Variants in RP1L1 observed in about 807,000 individuals in gnomAD.
RP1L1 encodes the protein retinitis pigmentosa 1-like 1 protein.
In RP1L1, 27 loss-of-function variants were observed where a neutral mutation model predicts 15.7. The ratio of observed to expected loss-of-function variants is 1.72; its 90% CI spans 1.27 to 2.38. The LOEUF is 2.38. RP1L1 is among the 30% of genes most tolerant of loss of function. The pLI is 0.00. For missense variants in RP1L1, 4,798 were observed against 3,075.9 expected (o/e 1.56, Z -13.24); for synonymous variants, 1,813 against 1,276.7 (o/e 1.42, Z -8.96).
chr8:10,635,808 T>C (rs1798320285), intron 1 of RP1L1, among the ~76,000 whole-genome samples: 1 of 152,166 alleles, frequency 6.6e-6, no homozygotes, highest in Non-Finnish European at 1.5e-5. Context: ...AAGATAAATA[T>C]TAGTTACTTA....
chr8:10,609,383 G>T lies in RP1L1; in HGVS notation c.4715C>A (p.Thr1572Asn), dbSNP rs770732016. 10 of 1,612,476 alleles carry T rather than the reference G, an allele frequency of 6.2e-6. No individual in the cohort carries two copies. In the Admixed American group the frequency reaches 1.5e-4, roughly 24 times the overall value. ...QDVAQRLQDS[T>N]KRELQKLQGR... ...CTGGAGCTTCTGGAGCTCTCTCTTG[G>T]TGCTGTCCTGGAGGCGTTGGGCCAC... is the stretch of plus-strand genomic sequence containing the variant. The change falls in exon 4 of 4, where the codon ACC becomes AAC. Residue 1572 changes from threonine (T) to asparagine (N), a missense_variant. Thr to Asn is a moderately conservative substitution (Grantham distance 65, BLOSUM62 0). Transcript: ENST00000382483.
chr8:10,620,294 G>C (rs1341553916), intron 2 of RP1L1, among the ~76,000 whole-genome samples: 1 of 152,178 alleles, frequency 6.6e-6, no homozygotes, highest in Non-Finnish European at 1.5e-5. Flanking sequence ...ACCCAAGGGA[G>C]AATGTTCCCC....
intron 1 of RP1L1, among the ~76,000 whole-genome samples, chr8:10,632,473 G>C (rs1455609571): frequency 6.6e-6 from 1 of 152,212 alleles, no homozygotes; most frequent in Non-Finnish European, 1.5e-5. Context: ...TCCACCTAAA[G>C]TCTTGGGGAG....
At chr8:10,624,829 C>A (rs142027144) in intron 1 of RP1L1, among the ~76,000 whole-genome samples, 1 of 152,178 alleles carries the variant, frequency 6.6e-6, no homozygotes, top group Non-Finnish European at 1.5e-5. Flanking sequence ...CTCTCCTTGG[C>A]TGAGTGGGTT....
At chr8:10,619,231 C>G (rs1798020098) in intron 2 of RP1L1, among the ~76,000 whole-genome samples, 1 of 152,200 alleles carries the variant, frequency 6.6e-6, no homozygotes, top group Admixed American at 6.5e-5. Flanking sequence ...AGCTTGGGAT[C>G]TAAATGCGAA....
chr8:10,640,058 A>G (rs1798385165), intron 1 of RP1L1, among the ~76,000 whole-genome samples: 1 of 152,224 alleles, frequency 6.6e-6, no homozygotes, highest in Non-Finnish European at 1.5e-5. Flanking sequence ...AAACAAAACT[A>G]AAACATAAAG....
At chr8:10,626,434 G>A (rs184956186) in intron 1 of RP1L1, among the ~76,000 whole-genome samples, 72 of 152,274 alleles carry the variant, frequency 4.7e-4, no homozygotes, top group Admixed American at 1.6e-3. Flanking sequence ...AACACGTGGG[G>A]CATGCAGCCC....
At chr8:10,649,238 C>G (rs974747997) in intron 1 of RP1L1, among the ~76,000 whole-genome samples, 2 of 152,226 alleles carry the variant, frequency 1.3e-5, no homozygotes, top group Non-Finnish European at 2.9e-5. Context: ...CTTCTTCATT[C>G]TCCTCATCCA....
chr8:10,608,106 C>T lies in RP1L1; in HGVS notation c.5992G>A (p.Glu1998Lys), dbSNP rs1302361903. The change falls in exon 4 of 4, where the codon GAA becomes AAA. Residue 1998 changes from glutamate to lysine, a missense_variant. Glu to Lys is a moderately conservative substitution (Grantham distance 56). Transcript: ENST00000382483. ...TCAGCCTCTGGGGCCTCTACATCTT[C>T]TGACTCTGGCTGGGCCTCCCCTTCT... Reference protein sequence around the residue: ...EAEGEAQPESEDVEAPEAEGE... With the variant: ...EAEGEAQPESKDVEAPEAEGE... The T allele has an allele frequency of 1.9e-6, 3 of 1,613,652 alleles. No individual in the cohort carries two copies. Among genetic ancestry groups the T allele is most frequent in the Non-Finnish European group, 8.5e-7 (1 of 1,179,882 alleles).
Position 10,641,491 on chromosome 8 carries a change from C to T in RP1L1, c.-20+13407G>A, listed in dbSNP as rs546281002. On this transcript the variant is annotated intron_variant, in intron 1 of 3. Coordinates refer to ENST00000382483, the MANE Select transcript of RP1L1 (RefSeq NM_178857.6). ...GCACACACAAACATGAGAACAAAAACGAAATACACATTTTAAAAAGATGTG... is the reference window on the plus strand; with the variant it reads ...GCACACACAAACATGAGAACAAAAATGAAATACACATTTTAAAAAGATGTG... 3.5e-4 allele frequency among the ~76,000 whole-genome samples: 54 copies of T among 152,246 alleles called. 1 individual carries two copies. The Middle Eastern group carries it at 0.014, about 38-fold the overall frequency.
rs754100073 is a variant in RP1L1, at chr8:10,609,857, C to A, written c.4241G>T (p.Ser1414Ile). The A allele has an allele frequency of 6.2e-6, 10 of 1,614,178 alleles. No individual in the cohort carries two copies. In the South Asian group the frequency reaches 6.6e-5, roughly 11 times the overall value. The change falls in exon 4 of 4, where the codon AGC (serine) becomes ATC (isoleucine). Residue 1414 changes from serine (S) to isoleucine (I), a missense_variant. Ser to Ile is a moderately radical substitution (Grantham distance 142). Transcript: ENST00000382483. ...CTGGGAGCCTTTCCCATCCGGAGAG[C>A]TGGCCTCTGACAATTCCTGCCCGTG... ...SVHGQELSEA[S>I]SPDGKGSQED...
chr8:10,652,873 C>T (rs1162536658), intron 1 of RP1L1, among the ~76,000 whole-genome samples: 1 of 152,154 alleles, frequency 6.6e-6, no homozygotes, highest in African/African-American at 2.4e-5. Flanking sequence ...CTGAACAGAG[C>T]AGGTGCCTAG....
At chr8:10,622,082 G>A (rs564335411) in intron 2 of RP1L1, among the ~76,000 whole-genome samples, 1 of 152,114 alleles carries the variant, frequency 6.6e-6, no homozygotes, top group East Asian at 1.9e-4. Context: ...AGCACTTTGG[G>A]AGGCCGAATC....
intron 1 of RP1L1, among the ~76,000 whole-genome samples, chr8:10,642,004 C>G (rs1798414188): frequency 6.6e-6 from 1 of 151,826 alleles, no homozygotes; most frequent in South Asian, 2.1e-4. Flanking sequence ...GATGGACGTG[C>G]CCTGTCTCTT....
At chr8:10,647,166 C>A (rs577650220) in intron 1 of RP1L1, among the ~76,000 whole-genome samples, 1 of 152,162 alleles carries the variant, frequency 6.6e-6, no homozygotes, top group Admixed American at 6.5e-5. Flanking sequence ...GCTTCTAGCC[C>A]GTCCAGCCTG....
At chr8:10,623,298 A>G (rs1354774742) in intron 1 of RP1L1, 78 bp from the exon 2 acceptor site, 17 of 1,103,378 alleles carry the variant, frequency 1.5e-5, no homozygotes, top group Non-Finnish European at 2.2e-5. Context: ...GTCTTTCTAG[A>G]GGTGCTTCCT....
In RP1L1 at chr8:10,606,974, T is replaced by C. The variant is rs1797713553; in HGVS notation, c.7124A>G (p.Asp2375Gly). The change falls in exon 4 of 4, where the codon GAC (aspartate) becomes GGC (glycine). Residue 2375 changes from aspartate (D) to glycine (G), a missense_variant. By Grantham distance (94) the Asp-to-Gly change is moderately conservative. Transcript: ENST00000382483. Reference sequence around the variant, plus strand: ...GGGGGCGAGACTTCCGAGTGCCTGGTCCTCTTGTAGGTCATAACCTTCACT... The same window carrying C: ...GGGGGCGAGACTTCCGAGTGCCTGGCCCTCTTGTAGGTCATAACCTTCACT... Reference protein sequence around the residue: ...GASEGYDLQEDQALGSLAPTE... With the variant: ...GASEGYDLQEGQALGSLAPTE... 1.2e-6 allele frequency: 2 copies of C among 1,614,096 alleles called. No homozygotes were observed. Among genetic ancestry groups the C allele is most frequent in the African/African-American group, 2.7e-5 (2 of 74,936 alleles).
At position 10,613,433 on chromosome 8, in the gene RP1L1, A is replaced by G. The variant is rs544239452; in HGVS notation, c.752-87T>C. ...AGGATAAAGGAATAAAACAGTCACG[A>G]GCCTCCCACGACCTCAGCATCACCA... On this transcript the variant is annotated intron_variant, in intron 3 of 3. Transcript: ENST00000382483. 2.3e-4 allele frequency: 353 copies of G among 1,544,632 alleles called. 1 individual carries two copies. In the African/African-American group the frequency reaches 4.2e-3, roughly 19 times the overall value.
At chr8:10,613,395 T>C (rs1797913427) in intron 3 of RP1L1, 49 bp from the exon 4 acceptor site, 5 of 1,597,412 alleles carry the variant, frequency 3.1e-6, no homozygotes, top group Non-Finnish European at 4.2e-6. Context: ...CTGTGAGCCA[T>C]GGGGGCAGCA....
Sources: gnomAD v4.1 joint callset for allele counts (sites outside exome capture counted in the v4.1 genomes callset) on GRCh38, gnomAD v4.1.1 for gene constraint, MANE v1.5 for transcripts, NCBI Gene and HGNC (gene_info 2026-07-23, HGNC 2026-07-21) for gene names.